BNC2: variants seen among roughly 807,000 people sequenced by gnomAD.
BNC2 encodes basonuclin zinc finger protein 2.
BNC2 carries 20 observed loss-of-function variants against 76.3 expected under a neutral mutation model. The observed-to-expected ratio is 0.26, with a 90% CI of 0.18 to 0.38. The LOEUF (loss-of-function observed/expected upper bound fraction) is 0.38. BNC2 is among the 10% of genes least tolerant of loss of function. The pLI, the probability that BNC2 is intolerant of heterozygous loss-of-function variation, is 1.00. For missense variants in BNC2, 1,382 were observed against 1,399.8 expected, an observed-to-expected ratio of 0.99 and a Z score of 0.20; for synonymous variants, 582 against 514.8, an observed-to-expected ratio of 1.13 and a Z score of -1.77.
At chr9:16,801,949 TATC>T (rs1220556543) in intron 1 of BNC2, among the ~76,000 whole-genome samples, 6 of 152,180 alleles carry the variant, frequency 3.9e-5, no homozygotes, top group Non-Finnish European at 7.3e-5. Context: ...CCCGTTTCAG[TATC>T]ATCAACTAGT....
chr9:16,750,788 A>G (rs1173551781), intron 1 of BNC2, among the ~76,000 whole-genome samples: 1 of 152,242 alleles, frequency 6.6e-6, no homozygotes, highest in Non-Finnish European at 1.5e-5. Flanking sequence ...CTTCACCACT[A>G]TATTCCTACC....
In BNC2 at chr9:16,636,943, A is replaced by T. The variant is rs866644789; in HGVS notation, c.331-53858T>A. The stretch of plus-strand genomic sequence containing the variant: ...ATGATTTAAATATATATATATATGT[A>T]TTTTTTTTTTAAAGCTCACATAGTG... On this transcript the variant is annotated intron_variant, in intron 3 of 6. Transcript: ENST00000380672. 6.7e-5 allele frequency among the ~76,000 whole-genome samples: 10 copies of T among 149,196 alleles called. No homozygotes were observed. The South Asian group carries it at 1.7e-3, about 25-fold the overall frequency.
At chr9:16,733,659 T>G (rs1824577926) in intron 2 of BNC2, among the ~76,000 whole-genome samples, 1 of 152,114 alleles carries the variant, frequency 6.6e-6, no homozygotes, top group East Asian at 1.9e-4. Context: ...AAGAGTAGCT[T>G]GTAAGATAAA....
chr9:16,480,756 T>TG (rs1822034415), intron 5 of BNC2, among the ~76,000 whole-genome samples: 1 of 152,198 alleles, frequency 6.6e-6, no homozygotes, highest in Admixed American at 6.5e-5. Flanking sequence ...GGGGCAGGGC[T>TG]CGGGACCTGC....
chr9:16,693,395 C>A (rs1279329000), intron 3 of BNC2, among the ~76,000 whole-genome samples: 1 of 152,054 alleles, frequency 6.6e-6, no homozygotes, highest in Non-Finnish European at 1.5e-5. Flanking sequence ...CGGTCAGTGC[C>A]CAAGGCATGC....
chr9:16,515,745 T>C (rs531217885), intron 5 of BNC2, among the ~76,000 whole-genome samples: 1 of 144,970 alleles, frequency 6.9e-6, no homozygotes, highest in African/African-American at 2.6e-5. Context: ...AAAAAAAACC[T>C]CTGAAAAAAA....
chr9:16,673,229 T>C (rs1015895077), intron 3 of BNC2, among the ~76,000 whole-genome samples: 1 of 152,186 alleles, frequency 6.6e-6, no homozygotes, highest in African/African-American at 2.4e-5. Context: ...AAGAAATTCC[T>C]AATGGTTTCA....
chr9:16,858,881 T>C (rs185249376), intron 1 of BNC2, among the ~76,000 whole-genome samples: 3 of 151,604 alleles, frequency 2.0e-5, no homozygotes, highest in Admixed American at 6.6e-5. Context: ...GAAACTTCTG[T>C]GCTGCAAAAG....
At chr9:16,835,013 T>C (rs917659397) in intron 1 of BNC2, among the ~76,000 whole-genome samples, 1 of 152,200 alleles carries the variant, frequency 6.6e-6, no homozygotes, top group Admixed American at 6.5e-5. Flanking sequence ...AAGAAAAGTC[T>C]AGTCAGCGAG....
intron 1 of BNC2, among the ~76,000 whole-genome samples, chr9:16,751,678 ATATATG>A (rs1825212010): frequency 1.7e-5 from 1 of 59,050 alleles, no homozygotes; most frequent in Admixed American, 2.0e-4. Context: ...ATGTGTATAT[ATATATG>A]TATGTGTGTA....
chr9:16,498,094 CATAT>C (rs918338291), intron 5 of BNC2, among the ~76,000 whole-genome samples: 10 of 142,656 alleles, frequency 7.0e-5, no homozygotes, highest in African/African-American at 1.3e-4. Flanking sequence ...TATATTCCAT[CATAT>C]ATATATTCTA....
chr9:16,475,162 G>A (rs911241265), intron 5 of BNC2, among the ~76,000 whole-genome samples: 1 of 152,168 alleles, frequency 6.6e-6, no homozygotes, highest in Admixed American at 6.5e-5. Flanking sequence ...ATGAAGATAA[G>A]GACACTGGGT....
At chr9:16,513,865 T>C (rs975142716) in intron 5 of BNC2, among the ~76,000 whole-genome samples, 1 of 152,170 alleles carries the variant, frequency 6.6e-6, no homozygotes. Flanking sequence ...GAACTTCCTA[T>C]GGATTAGCAA....
intron 3 of BNC2, among the ~76,000 whole-genome samples, chr9:16,623,636 T>C (rs1820920584): frequency 6.6e-6 from 1 of 152,228 alleles, no homozygotes; most frequent in East Asian, 1.9e-4. Flanking sequence ...AACATTAGTT[T>C]AAATTATTTG....
chr9:16,670,554 T>C (rs1486576938), intron 3 of BNC2, among the ~76,000 whole-genome samples: 2 of 152,188 alleles, frequency 1.3e-5, no homozygotes, highest in South Asian at 4.1e-4. Flanking sequence ...ACATAGGATA[T>C]AACTGTTTTA....
chr9:16,518,618 T>G (rs954113214), intron 5 of BNC2, among the ~76,000 whole-genome samples: 2 of 151,716 alleles, frequency 1.3e-5, no homozygotes, highest in Admixed American at 1.3e-4. Context: ...GTTTTTTGTT[T>G]TTTGTTTTGT....
At chr9:16,616,688 C>CAA (rs112502957) in intron 3 of BNC2, among the ~76,000 whole-genome samples, 7 of 73,796 alleles carry the variant, frequency 9.5e-5, no homozygotes, top group African/African-American at 3.5e-4. Context: ...GATCCTCTCT[C>CAA]AAAAAAAAAA....
chr9:16,446,656 T>C (rs181377877), intron 5 of BNC2, among the ~76,000 whole-genome samples: 2 of 152,286 alleles, frequency 1.3e-5, no homozygotes, highest in Admixed American at 1.3e-4. Flanking sequence ...TGACATTTGA[T>C]TTAAAAAATT....
intron 3 of BNC2, among the ~76,000 whole-genome samples, chr9:16,660,464 A>T (rs1822079797): frequency 6.6e-6 from 1 of 152,128 alleles, no homozygotes; most frequent in African/African-American, 2.4e-5. Context: ...CAAAAAAAAA[A>T]AAAAAATACA....
Sources: allele counts gnomAD v4.1 joint callset (sites outside exome capture counted in the v4.1 genomes callset), GRCh38; gene constraint gnomAD v4.1.1; transcripts MANE v1.5; gene names NCBI Gene and HGNC (gene_info 2026-07-23, HGNC 2026-07-21).